The following WDR43 variants were observed in gnomAD, a reference collection of about 807,000 sequenced individuals.
WDR43 encodes WD repeat domain 43, also known as WD repeat-containing protein 43.
In WDR43, 13 loss-of-function variants were observed where a neutral mutation model predicts 91.4. The ratio of observed to expected loss-of-function variants is 0.14; its 90% confidence interval spans 0.09 to 0.23. The LOEUF is 0.23. Ranked by LOEUF, WDR43 falls within the 10% of genes least tolerant of loss-of-function variation. The pLI, the probability that WDR43 is intolerant of heterozygous loss-of-function variation, is 1.00. For missense variants in WDR43, 780 were observed against 809.4 expected, an observed-to-expected ratio of 0.96 and a Z score of 0.44; for synonymous variants, 331 against 287.9, an observed-to-expected ratio of 1.15 and a Z score of -1.51.
intron 2 of WDR43, 59 bp downstream of exon 2, chr2:28,902,183 T>A: frequency 2.7e-6 from 4 of 1,491,540 alleles, no homozygotes; most frequent in African/African-American, 2.8e-5. Flanking sequence ...TTATTAGAGA[T>A]TATTAAAAAA....
chr2:28,922,943 A>C lies in WDR43; in HGVS notation c.874A>C (p.Arg292=). The part of the protein sequence containing the change: ...EEPVKLAVVC[R]DGQVHLFEHI... ...GCCTGTCAAGTTGGCTGTTGTTTGC[A>C]GAGATGGTCAAGTCCATCTTTTTGA... Residue 292 remains arginine, a synonymous_variant, in exon 7 of 18, where the codon AGA becomes CGA. Coordinates refer to ENST00000407426, the MANE Select transcript of WDR43 (RefSeq NM_015131.3). The C allele has an allele frequency of 6.2e-7, 1 of 1,612,702 alleles. No homozygotes were observed. Among genetic ancestry groups the C allele is most frequent in the Non-Finnish European group, 8.5e-7 (1 of 1,179,592 alleles).
chr2:28,916,549 T>C (rs1270519504), intron 5 of WDR43, among the ~76,000 whole-genome samples: 1 of 152,160 alleles, frequency 6.6e-6, no homozygotes, highest in Admixed American at 6.5e-5. Flanking sequence ...GATCCCAGTA[T>C]CATTTGTTGA....
chr2:28,894,683 C>G lies in WDR43; in HGVS notation c.-16C>G. 1 of 1,543,578 alleles carries G rather than the reference C, an allele frequency of 6.5e-7. No individual in the cohort carries two copies. Among genetic ancestry groups the G allele is most frequent in the Non-Finnish European group, 8.7e-7 (1 of 1,143,102 alleles). On this transcript the variant is annotated 5_prime_UTR_variant, in exon 1 of 18. Coordinates refer to ENST00000407426, the MANE Select transcript of WDR43 (RefSeq NM_015131.3). ...CGCACGGACGAACACGTGGCTGCAG[C>G]GGGGCCAGAGCAGCAATGGCGGCGG...
intron 11 of WDR43, 68 bp from the exon 12 acceptor site, chr2:28,935,451 CTT>C: frequency 1.8e-5 from 19 of 1,043,256 alleles, no homozygotes; most frequent in South Asian, 3.2e-5. Context: ...TTTTTACAGA[CTT>C]TTTTTTTTCT....
intron 3 of WDR43, among the ~76,000 whole-genome samples, chr2:28,908,955 G>A (rs960113292): frequency 6.6e-6 from 1 of 151,706 alleles, no homozygotes; most frequent in Non-Finnish European, 1.5e-5. Context: ...ACAAAATTTT[G>A]CTTTTCTTGG....
At chr2:28,939,939 C>T (rs1473124146) in intron 14 of WDR43, among the ~76,000 whole-genome samples, 1 of 151,810 alleles carries the variant, frequency 6.6e-6, no homozygotes, top group African/African-American at 2.4e-5. Context: ...AACCCCGTCT[C>T]TACTAAAAAT....
At chr2:28,931,498 C>T (rs562055959) in intron 11 of WDR43, among the ~76,000 whole-genome samples, 2 of 152,250 alleles carry the variant, frequency 1.3e-5, no homozygotes, top group African/African-American at 4.8e-5. Flanking sequence ...CCTAGTAGAG[C>T]ATTCCATGTT....
intron 1 of WDR43, among the ~76,000 whole-genome samples, chr2:28,901,741 T>C (rs1670580723): frequency 5.9e-5 from 9 of 152,110 alleles, no homozygotes; most frequent in Admixed American, 5.9e-4. Flanking sequence ...ACCAAGAACA[T>C]ACTAGGTTTT....
At chr2:28,915,085 T>G (rs952750056) in intron 5 of WDR43, among the ~76,000 whole-genome samples, 2 of 152,068 alleles carry the variant, frequency 1.3e-5, no homozygotes, top group African/African-American at 4.8e-5. Flanking sequence ...TTGAGCATGC[T>G]CTTCACCATA....
intron 9 of WDR43, 92 bp from the exon 10 acceptor site, chr2:28,927,477 A>C (rs1671162529): frequency 7.0e-7 from 1 of 1,432,388 alleles, no homozygotes; most frequent in Non-Finnish European, 9.4e-7. Flanking sequence ...TTTCCAATAG[A>C]GGAGCCCTTT....
intron 1 of WDR43, among the ~76,000 whole-genome samples, chr2:28,898,919 G>A (rs1030771054): frequency 6.6e-6 from 1 of 152,130 alleles, no homozygotes; most frequent in Non-Finnish European, 1.5e-5. Context: ...CATCCCATCT[G>A]TACAACTCCT....
intron 2 of WDR43, among the ~76,000 whole-genome samples, chr2:28,902,892 G>A (rs1419432290): frequency 6.6e-6 from 1 of 152,108 alleles, no homozygotes; most frequent in East Asian, 1.9e-4. Context: ...ATTGCAGTGT[G>A]TTTTTGTTCG....
At chr2:28,905,225 T>C (rs1266503055) in intron 2 of WDR43, among the ~76,000 whole-genome samples, 3 of 152,120 alleles carry the variant, frequency 2.0e-5, no homozygotes, top group Non-Finnish European at 4.4e-5. Flanking sequence ...TAATGGATAA[T>C]GGATAAATGT....
intron 10 of WDR43, 102 bp downstream of exon 10, chr2:28,927,802 T>TCTCAGTAAA: frequency 7.0e-7 from 1 of 1,435,232 alleles, no homozygotes; most frequent in Non-Finnish European, 9.4e-7. Context: ...TCTTTAGAAA[T>TCTCAGTAAA]TTACTGAGAT....
chr2:28,946,370 G>T lies in WDR43; in HGVS notation c.1805-80G>T, dbSNP rs1400155995. 6 of 1,302,892 alleles carry T rather than the reference G, an allele frequency of 4.6e-6. No homozygotes were observed. The African/African-American group carries it at 7.6e-5, about 16-fold the overall frequency. The allele number at this position is 1,302,892 out of a possible 1,614,324, so 80.7% of individuals were successfully genotyped here. ...ATAATATTTCTAAAAGTAAATTCAG[G>T]AATCTGGTTCTGCTTAATTTCCAGG... On this transcript the variant is annotated intron_variant, in intron 16 of 17. Coordinates refer to ENST00000407426, the MANE Select transcript of WDR43 (RefSeq NM_015131.3).
chr2:28,907,903 CA>C (rs71403627), intron 3 of WDR43, among the ~76,000 whole-genome samples: 8 of 146,498 alleles, frequency 5.5e-5, no homozygotes, highest in East Asian at 2.0e-4. Context: ...GACTCCGTCT[CA>C]AAAAAAAAAA....
chr2:28,912,822 G>A, intron 4 of WDR43, 112 bp downstream of exon 4: 1 of 1,395,192 alleles, frequency 7.2e-7, no homozygotes, highest in Non-Finnish European at 9.6e-7. Flanking sequence ...TCATTGTCAG[G>A]TACATCAAAT....
chr2:28,907,576 G>C (rs934753567), intron 3 of WDR43, among the ~76,000 whole-genome samples: 2 of 151,526 alleles, frequency 1.3e-5, no homozygotes, highest in African/African-American at 4.9e-5. Flanking sequence ...TTGTGCCACT[G>C]CACTTCAGCC....
At chr2:28,909,407 A>G (rs1246144413) in intron 3 of WDR43, among the ~76,000 whole-genome samples, 2 of 152,172 alleles carry the variant, frequency 1.3e-5, no homozygotes, top group Non-Finnish European at 2.9e-5. Flanking sequence ...TGCTGGGATT[A>G]CAGGTGTGAG....
Sources: allele counts gnomAD v4.1 joint callset (sites outside exome capture counted in the v4.1 genomes callset), GRCh38; gene constraint gnomAD v4.1.1; transcripts MANE v1.5; gene names NCBI Gene and HGNC (gene_info 2026-07-23, HGNC 2026-07-21).